Variants in PACS1 observed in about 807,000 individuals in gnomAD.
PACS1 encodes phosphofurin acidic cluster sorting protein 1, also known as PACS-1.
A neutral mutation model predicts 115.0 loss-of-function variants in PACS1; 24 were observed. That is an observed-to-expected ratio of 0.21 (90% CI 0.15 to 0.29). The LOEUF is 0.29. Among genes scored for constraint, PACS1 ranks in the 10% least tolerant of loss-of-function variants. PACS1 has a pLI of 1.00. For missense variants in PACS1, 838 were observed against 1,251.2 expected (o/e 0.67, Z 4.98); for synonymous variants, 453 against 504.5 (o/e 0.90, Z 1.37).
At chr11:66,137,377 C>T (rs1565120857) in intron 1 of PACS1, among the ~76,000 whole-genome samples, 2 of 152,064 alleles carry the variant, frequency 1.3e-5, no homozygotes, top group South Asian at 2.1e-4. Flanking sequence ...GTTACTCCAA[C>T]ATTATTGAAT....
In PACS1 at chr11:66,243,463, AC is replaced by A; in HGVS notation, c.*187del. On this transcript the variant is annotated 3_prime_UTR_variant, in exon 24 of 24. Coordinates refer to ENST00000320580, the MANE Select transcript of PACS1 (RefSeq NM_018026.4). ...CCTTCCCTCCCCTCCCCTCCAGCCCACCCCTGCACAGCCCCTCCTCCTTCCC... is the reference window on the plus strand; with the variant it reads ...CCTTCCCTCCCCTCCCCTCCAGCCCACCCTGCACAGCCCCTCCTCCTTCCC... 1 of 483,780 alleles carries A rather than the reference AC, an allele frequency of 2.1e-6. No homozygotes were observed. 30.0% of individuals were successfully genotyped at this position (483,780 alleles called of 1,614,324 possible). A position where few individuals can be genotyped will look rare whatever the true frequency, so the allele number is the denominator to read the frequency against.
intron 1 of PACS1, among the ~76,000 whole-genome samples, chr11:66,176,941 A>C (rs189144012): frequency 4.5e-4 from 68 of 152,244 alleles, no homozygotes; most frequent in African/African-American, 1.5e-3. Flanking sequence ...AGCACTTATA[A>C]GTTAGGCTGT....
At chr11:66,122,333 C>T (rs1008383527) in intron 1 of PACS1, among the ~76,000 whole-genome samples, 1 of 152,122 alleles carries the variant, frequency 6.6e-6, no homozygotes, top group Non-Finnish European at 1.5e-5. Flanking sequence ...CCTGGTCACC[C>T]AAAATTCAGA....
rs113498189 is a variant in PACS1, at chr11:66,096,837, A to G, written c.356+25995A>G. Among the ~76,000 whole-genome samples the G allele has an allele frequency of 1.5e-3, 218 of 150,232 alleles. 2 individuals carry two copies. The highest frequency in any genetic ancestry group is 5.2e-3 in the African/African-American group (211 of 40,890). On this transcript the variant is annotated intron_variant, in intron 1 of 23. Transcript: ENST00000320580. Reference sequence around the variant, plus strand: ...TTCTTACACAGGTGTTTTTACAGACATACATTTTCATTTCTCCCTCTCTCT... The same window carrying G: ...TTCTTACACAGGTGTTTTTACAGACGTACATTTTCATTTCTCCCTCTCTCT...
chr11:66,161,856 T>C (rs1217586672), intron 1 of PACS1, among the ~76,000 whole-genome samples: 1 of 152,156 alleles, frequency 6.6e-6, no homozygotes, highest in Non-Finnish European at 1.5e-5. Flanking sequence ...TTCCTATAAA[T>C]AATAGCTTTT....
chr11:66,094,041 A>G (rs1346493531), intron 1 of PACS1, among the ~76,000 whole-genome samples: 48 of 151,178 alleles, frequency 3.2e-4, no homozygotes, highest in African/African-American at 1.2e-3. Flanking sequence ...GGACGCATTC[A>G]AAGCAGTGTG....
intron 1 of PACS1, among the ~76,000 whole-genome samples, chr11:66,123,507 A>AT (rs1350860042): frequency 6.7e-6 from 1 of 148,780 alleles, no homozygotes; most frequent in African/African-American, 2.5e-5. Context: ...AGCCATTTTT[A>AT]TTTTTTTATT....
At chr11:66,205,722 G>A (rs1854920217) in intron 2 of PACS1, among the ~76,000 whole-genome samples, 2 of 146,064 alleles carry the variant, frequency 1.4e-5, no homozygotes, top group Non-Finnish European at 3.0e-5. Flanking sequence ...TTATACTCCT[G>A]GGCTCAAGCT....
At chr11:66,229,071 G>T (rs979735551) in intron 11 of PACS1, among the ~76,000 whole-genome samples, 1 of 151,560 alleles carries the variant, frequency 6.6e-6, no homozygotes, top group Non-Finnish European at 1.5e-5. Context: ...GGCCTCAGAG[G>T]CCCCACTAAA....
At position 66,230,899 on chromosome 11, in the gene PACS1, T is replaced by C; in HGVS notation, c.1585T>C (p.Ser529Pro). The C allele has an allele frequency of 6.2e-7, 1 of 1,614,142 alleles. No homozygotes were observed. The highest frequency in any genetic ancestry group is 8.5e-7 in the Non-Finnish European group (1 of 1,180,016). Residue 529 changes from serine (S) to proline (P), a missense_variant, in exon 13 of 24, where the codon TCC becomes CCC. Physicochemically the swap from Ser to Pro is moderately conservative, Grantham distance 74. Coordinates refer to ENST00000320580, the MANE Select transcript of PACS1 (RefSeq NM_018026.4). Reference sequence around the variant, plus strand: ...GCCCCTAAGTGAGAGGACCAACAGTTCCGACAGCGAGCGCTCCCCAGATCT... The same window carrying C: ...GCCCCTAAGTGAGAGGACCAACAGTCCCGACAGCGAGCGCTCCCCAGATCT... ...SKPLSERTNS[S>P]DSERSPDLGH...
At chr11:66,144,089 T>A (rs1859063881) in intron 1 of PACS1, among the ~76,000 whole-genome samples, 1 of 152,254 alleles carries the variant, frequency 6.6e-6, no homozygotes, top group Non-Finnish European at 1.5e-5. Flanking sequence ...CTTTTAATTT[T>A]GTGAGATGCG....
intron 1 of PACS1, among the ~76,000 whole-genome samples, chr11:66,115,042 A>C (rs1475839472): frequency 6.8e-6 from 1 of 147,074 alleles, no homozygotes; most frequent in African/African-American, 2.5e-5. Flanking sequence ...CCATCTCTAC[A>C]AAAAAAAAAT....
At chr11:66,140,096 A>G (rs1338811839) in intron 1 of PACS1, among the ~76,000 whole-genome samples, 1 of 152,172 alleles carries the variant, frequency 6.6e-6, no homozygotes, top group African/African-American at 2.4e-5. Flanking sequence ...TAAAAACCTT[A>G]ATTGAAAGTG....
rs201067492 is a variant in PACS1 at position 66,216,156 on chromosome 11, G to A, written c.698G>A (p.Gly233Asp). The change falls in exon 5 of 24, where the codon GGC (glycine) becomes GAC (aspartate). Residue 233 changes from glycine (G) to aspartate (D), a missense_variant. Transcript: ENST00000320580. Reference sequence around the variant, plus strand: ...CCTAATGAAGGCGCACTGGTGCTTGGCCTACACAGCAACGTGAAGGATGTC... The same window carrying A: ...CCTAATGAAGGCGCACTGGTGCTTGACCTACACAGCAACGTGAAGGATGTC... The part of the protein sequence containing the change: ...QHPNEGALVL[G>D]LHSNVKDVSV... 131 of 1,613,924 alleles carry A rather than the reference G, an allele frequency of 8.1e-5. No homozygotes were observed. Among genetic ancestry groups the A allele is most frequent in the Non-Finnish European group, 1.0e-4 (120 of 1,179,974 alleles).
chr11:66,160,068 GTTTTC>G (rs1859452165), intron 1 of PACS1, among the ~76,000 whole-genome samples: 1 of 152,140 alleles, frequency 6.6e-6, no homozygotes, highest in African/African-American at 2.4e-5. Context: ...CACATTTCCT[GTTTTC>G]TTTTAAACCA....
intron 1 of PACS1, among the ~76,000 whole-genome samples, chr11:66,128,323 TGTTA>T (rs1000186686): frequency 2.6e-5 from 4 of 152,198 alleles, no homozygotes; most frequent in South Asian, 2.1e-4. Flanking sequence ...TTAAAAAATT[TGTTA>T]GTTAAGTGTG....
chr11:66,235,763 C>A lies in PACS1; in HGVS notation c.2208-135C>A. ...AGTCCCAGACCTTCCCCATGCCACC[C>A]CAGGATGTGATGGGCAGAGGCAGCC... On this transcript the variant is annotated intron_variant, in intron 18 of 23. Coordinates refer to ENST00000320580, the MANE Select transcript of PACS1 (RefSeq NM_018026.4). This position sits in a 1 kb window ranked among gnomAD's most constrained non-coding sequence, Gnocchi z 5.6. 2 of 808,208 alleles carry A rather than the reference C, an allele frequency of 2.5e-6. No individual in the cohort carries two copies. The highest frequency in any genetic ancestry group is 4.4e-6 in the Non-Finnish European group (2 of 452,466). The allele number at this position is 808,208 out of a possible 1,614,324, so 50.1% of individuals were successfully genotyped here.
chr11:66,216,190 T>G lies in PACS1; in HGVS notation c.732T>G (p.Pro244=), dbSNP rs1855205093. 1 of 1,613,932 alleles carries G rather than the reference T, an allele frequency of 6.2e-7. No homozygotes were observed. Among genetic ancestry groups the G allele is most frequent in the African/African-American group, 1.3e-5 (1 of 74,914 alleles). The change falls in exon 5 of 24, where the codon CCT becomes CCG. Residue 244 remains proline (P), a synonymous_variant. Transcript: ENST00000320580. ...GCAACGTGAAGGATGTCTCTGTGCC[T>G]GTGGCAGAAATAAAGATCTACTCCC... ...LHSNVKDVSV[P]VAEIKIYSLS... is the part of the protein sequence containing the mutation.
At chr11:66,079,935 C>T (rs1857455531) in intron 1 of PACS1, among the ~76,000 whole-genome samples, 1 of 152,192 alleles carries the variant, frequency 6.6e-6, no homozygotes, top group Non-Finnish European at 1.5e-5. Flanking sequence ...GATACCCTTT[C>T]CCTGGATCCT....
Sources: allele counts gnomAD v4.1 joint callset (sites outside exome capture counted in the v4.1 genomes callset), GRCh38; gene constraint gnomAD v4.1.1; non-coding constraint Gnocchi (gnomAD v3.1); transcripts MANE v1.5; gene names NCBI Gene and HGNC (gene_info 2026-07-23, HGNC 2026-07-21).